The following SND1 variants were observed in gnomAD, a reference collection of about 807,000 sequenced individuals.
The protein encoded by SND1 is staphylococcal nuclease domain-containing protein 1.
SND1 carries 38 observed loss-of-function variants against 121.7 expected under a neutral mutation model. The observed-to-expected ratio is 0.31, with a 90% CI of 0.24 to 0.41. The LOEUF (loss-of-function observed/expected upper bound fraction) is 0.41. SND1 is among the 10% of genes least tolerant of loss of function. SND1 has a pLI of 1.00. For missense variants in SND1, 868 were observed against 1,184.6 expected (o/e 0.73, Z 3.92); for synonymous variants, 401 against 447.4 (o/e 0.90, Z 1.31).
intron 10 of SND1, among the ~76,000 whole-genome samples, chr7:127,778,697 G>A (rs1797666034): frequency 6.6e-6 from 1 of 152,216 alleles, no homozygotes; most frequent in Non-Finnish European, 1.5e-5. Flanking sequence ...CTTAGCTTAT[G>A]TGAATATGAA....
chr7:127,941,600 A>G (rs1801202556), intron 15 of SND1, among the ~76,000 whole-genome samples: 1 of 152,134 alleles, frequency 6.6e-6, no homozygotes, highest in Non-Finnish European at 1.5e-5. Context: ...TTAAATTGGA[A>G]CATGGTGTCT....
At chr7:127,715,149 GT>G (rs199798954) in intron 9 of SND1, among the ~76,000 whole-genome samples, 1 of 76,566 alleles carries the variant, frequency 1.3e-5, no homozygotes, top group Non-Finnish European at 2.6e-5. Context: ...TATTTTCTGG[GT>G]TTTTTTTGGT....
intron 15 of SND1, among the ~76,000 whole-genome samples, chr7:127,945,411 A>C (rs574153335): frequency 2.4e-4 from 36 of 152,286 alleles, no homozygotes; most frequent in Admixed American, 2.0e-3. Context: ...GAATGGCGTG[A>C]ACCCAGGAGG....
chr7:127,693,118 A>G (rs1439361690), intron 2 of SND1, among the ~76,000 whole-genome samples: 2 of 152,192 alleles, frequency 1.3e-5, no homozygotes, highest in African/African-American at 2.4e-5. Flanking sequence ...GTAGCTGTGT[A>G]TGTTTTTGGA....
At chr7:127,949,913 G>A (rs1161124503) in intron 15 of SND1, among the ~76,000 whole-genome samples, 2 of 152,140 alleles carry the variant, frequency 1.3e-5, no homozygotes, top group Admixed American at 6.6e-5. Context: ...GATAAAGAGT[G>A]CTTATCCTCC....
At chr7:127,961,402 C>G (rs999808568) in intron 15 of SND1, among the ~76,000 whole-genome samples, 1 of 151,998 alleles carries the variant, frequency 6.6e-6, no homozygotes, top group Non-Finnish European at 1.5e-5. Flanking sequence ...ATCTTTATTC[C>G]GAGCCACTTG....
At chr7:128,030,120 A>G in intron 16 of SND1, 2 of 1,614,114 alleles carry the variant, frequency 1.2e-6, no homozygotes, top group Non-Finnish European at 1.7e-6. Flanking sequence ...GTCCAGGCGC[A>G]TGAGGGAGGG....
intron 15 of SND1, among the ~76,000 whole-genome samples, chr7:127,961,528 T>C (rs1193688617): frequency 6.6e-6 from 1 of 152,246 alleles, no homozygotes; most frequent in Admixed American, 6.5e-5. Context: ...AAAGCACTCA[T>C]TTTCAAGAGA....
At chr7:127,738,366 C>A (rs1796818152) in intron 10 of SND1, among the ~76,000 whole-genome samples, 1 of 148,136 alleles carries the variant, frequency 6.8e-6, no homozygotes, top group Non-Finnish European at 1.5e-5. Flanking sequence ...CTCACTGCAA[C>A]CTCCCAGGTT....
At chr7:127,856,330 A>C (rs1389372403) in intron 12 of SND1, among the ~76,000 whole-genome samples, 1 of 152,240 alleles carries the variant, frequency 6.6e-6, no homozygotes, top group Non-Finnish European at 1.5e-5. Context: ...GAAAAGGCAC[A>C]GGGCTACCAA....
Position 127,864,399 on chromosome 7 carries a change from G to A in SND1, c.1343+19975G>A, listed in dbSNP as rs1463983040. Among the ~76,000 whole-genome samples, 5 of 151,952 alleles carry A rather than the reference G, an allele frequency of 3.3e-5. No homozygotes were observed. In the East Asian group the frequency reaches 9.7e-4, roughly 30 times the overall value. ...TCACCACTTCTGTTTGGTGACACCA[G>A]CAACCATCCATCCACTTCTTGCTGA... On this transcript the variant is annotated intron_variant, in intron 12 of 23. Coordinates refer to ENST00000354725, the MANE Select transcript of SND1 (RefSeq NM_014390.4).
intron 15 of SND1, among the ~76,000 whole-genome samples, chr7:127,963,957 G>A (rs1423200881): frequency 2.4e-4 from 36 of 149,338 alleles, no homozygotes; most frequent in Non-Finnish European, 4.6e-4. Context: ...TAACTGGTGT[G>A]AGATGATATC....
At chr7:128,004,335 A>T (rs574138870) in intron 16 of SND1, among the ~76,000 whole-genome samples, 1 of 152,256 alleles carries the variant, frequency 6.6e-6, no homozygotes, top group East Asian at 1.9e-4. Flanking sequence ...TTCTAAGGAC[A>T]CCCAGACCCC....
intron 10 of SND1, among the ~76,000 whole-genome samples, chr7:127,726,303 A>G (rs1796582060): frequency 6.6e-6 from 1 of 152,184 alleles, no homozygotes; most frequent in Admixed American, 6.5e-5. Context: ...CTAGAATTCT[A>G]GCTGGATTTG....
At chr7:127,975,422 CTCGTGTGT>C (rs1366066845) in intron 15 of SND1, among the ~76,000 whole-genome samples, 1 of 82,760 alleles carries the variant, frequency 1.2e-5, no homozygotes, top group Non-Finnish European at 2.3e-5. Context: ...ATTGACTCCC[CTCGTGTGT>C]GTGTGTGTGT....
intron 17 of SND1, among the ~76,000 whole-genome samples, chr7:128,078,921 C>T (rs908973022): frequency 1.3e-5 from 2 of 152,218 alleles, no homozygotes; most frequent in Non-Finnish European, 2.9e-5. Flanking sequence ...GAGGGAAGAG[C>T]ACCTGCATGG....
intron 13 of SND1, among the ~76,000 whole-genome samples, chr7:127,895,444 C>G (rs1157935619): frequency 6.6e-6 from 1 of 152,074 alleles, no homozygotes; most frequent in Non-Finnish European, 1.5e-5. Flanking sequence ...TGGCCTTTCT[C>G]TTAAATGTCC....
rs71522259 is a variant in SND1, at chr7:127,857,183, C to CTTTTTTTTTTTT, written c.1343+12775_1343+12786dup. Among the ~76,000 whole-genome samples the CTTTTTTTTTTTT allele has an allele frequency of 5.9e-5, 4 of 67,992 alleles. 1 individual carries two copies. Among genetic ancestry groups the CTTTTTTTTTTTT allele is most frequent in the African/African-American group, 2.2e-4 (4 of 18,248 alleles). The allele number at this position is 67,992 out of a possible 152,430, so 44.6% of individuals were successfully genotyped here. A position where few individuals can be genotyped will look rare whatever the true frequency, so the allele number is the denominator to read the frequency against. ...CCAATTCTTAGGAAAAATGTCAACA[C>CTTTTTTTTTTTT]TTTTTTTTTTTTTTTTTTTTTTTTT... On this transcript the variant is annotated intron_variant, in intron 12 of 23. Transcript: ENST00000354725.
At chr7:127,857,012 C>T (rs888246526) in intron 12 of SND1, among the ~76,000 whole-genome samples, 1 of 152,094 alleles carries the variant, frequency 6.6e-6, no homozygotes, top group African/African-American at 2.4e-5. Context: ...TTTGTAGTGG[C>T]TTACTGTCTT....
Sources: allele counts gnomAD v4.1 joint callset (sites outside exome capture counted in the v4.1 genomes callset), GRCh38; gene constraint gnomAD v4.1.1; transcripts MANE v1.5; gene names NCBI Gene and HGNC (gene_info 2026-07-23, HGNC 2026-07-21).